PRR16: variants seen among roughly 807,000 people sequenced by gnomAD.
The protein encoded by PRR16 is protein Largen.
Under a neutral mutation model 18.2 loss-of-function variants are expected in PRR16, and 6 were observed. The observed-to-expected ratio is 0.33, with a 90% CI of 0.18 to 0.65. The LOEUF is 0.65. Ranked by LOEUF, PRR16 falls within the 30% of genes least tolerant of loss-of-function variation. The pLI is 0.74. For missense variants in PRR16, 412 were observed against 376.6 expected, an observed-to-expected ratio of 1.09 and a Z score of -0.78; for synonymous variants, 151 against 147.8, an observed-to-expected ratio of 1.02 and a Z score of -0.16.
chr5:120,737,514 T>A, the PRR16 span, among the ~76,000 whole-genome samples: 7 of 151,998 alleles, frequency 4.6e-5, 1 homozygote, highest in South Asian at 1.5e-3. Flanking sequence ...CCTTTTAATG[T>A]GTTGTTGAAT....
chr5:120,503,885 CAGT>C (rs1750553036), intron 1 of PRR16, among the ~76,000 whole-genome samples: 1 of 151,366 alleles, frequency 6.6e-6, no homozygotes, highest in Non-Finnish European at 1.5e-5. Context: ...TGAGAACATG[CAGT>C]GTTTGGTTTT....
chr5:120,730,250 G>A, the PRR16 span, among the ~76,000 whole-genome samples: 8 of 152,106 alleles, frequency 5.3e-5, no homozygotes, highest in Admixed American at 5.2e-4. Context: ...TCTACAGGAT[G>A]AATTCTCAGG....
chr5:120,477,779 G>A (rs971246772), intron 1 of PRR16, among the ~76,000 whole-genome samples: 3 of 151,996 alleles, frequency 2.0e-5, no homozygotes, highest in Non-Finnish European at 4.4e-5. Flanking sequence ...CTTTCTCTGT[G>A]GCTCTCCTTA....
intron 1 of PRR16, among the ~76,000 whole-genome samples, chr5:120,663,840 C>T (rs7702736): frequency 6.6e-6 from 1 of 152,102 alleles, no homozygotes; most frequent in Non-Finnish European, 1.5e-5. Context: ...TAGAAAGTTC[C>T]TCAGTGACAT....
chr5:120,580,070 G>A (rs1753216379), intron 1 of PRR16, among the ~76,000 whole-genome samples: 2 of 152,094 alleles, frequency 1.3e-5, no homozygotes, highest in Non-Finnish European at 2.9e-5. Context: ...TGTGATTTTT[G>A]CACATTGATT....
At chr5:120,501,954 T>TC (rs1443042387) in intron 1 of PRR16, among the ~76,000 whole-genome samples, 516 of 45,266 alleles carry the variant, frequency 0.011, 8 homozygotes, top group African/African-American at 0.048. Flanking sequence ...ATACTCCGTC[T>TC]CAAAAAAAAA....
At position 120,604,079 on chromosome 5, in the gene PRR16, A is replaced by T. The variant is rs114000156; in HGVS notation, c.160-81875A>T. Reference sequence around the variant, plus strand: ...GATGTCTGTTAGGTCCATTTGTTCAAATGCTGAGTTTAGGTCCCAAATTTT... The same window carrying T: ...GATGTCTGTTAGGTCCATTTGTTCATATGCTGAGTTTAGGTCCCAAATTTT... On this transcript the variant is annotated intron_variant, in intron 1 of 1. Transcript: ENST00000407149. Among the ~76,000 whole-genome samples the T allele has an allele frequency of 4.6e-3, 691 of 151,252 alleles. 5 individuals are homozygous for T. Among genetic ancestry groups the T allele is most frequent in the African/African-American group, 0.016 (666 of 40,912 alleles).
At chr5:120,782,854 A>G in the PRR16 span, among the ~76,000 whole-genome samples, 1 of 152,176 alleles carries the variant, frequency 6.6e-6, no homozygotes, top group Non-Finnish European at 1.5e-5. Flanking sequence ...GAGAAGGGCA[A>G]TTCTGAAGTG....
chr5:120,575,088 G>C (rs907140685), intron 1 of PRR16, among the ~76,000 whole-genome samples: 2 of 136,460 alleles, frequency 1.5e-5, no homozygotes, highest in Middle Eastern at 3.4e-3. Context: ...GTTAATCTCA[G>C]AATATACCTT....
chr5:120,672,514 T>C (rs918751584), intron 1 of PRR16, among the ~76,000 whole-genome samples: 2 of 140,948 alleles, frequency 1.4e-5, no homozygotes, highest in African/African-American at 2.6e-5. Context: ...ATTAAAGGCT[T>C]TTAATAATTT....
At chr5:120,507,088 T>C (rs1489615728) in intron 1 of PRR16, among the ~76,000 whole-genome samples, 2 of 152,128 alleles carry the variant, frequency 1.3e-5, no homozygotes, top group East Asian at 3.9e-4. Context: ...ATCCTTTCTG[T>C]GATGATTTGT....
chr5:120,759,760 G>A, the PRR16 span, among the ~76,000 whole-genome samples: 8 of 152,140 alleles, frequency 5.3e-5, no homozygotes, highest in African/African-American at 1.9e-4. Flanking sequence ...CAATCTCTTT[G>A]AAGTGGGTGT....
At chr5:120,717,932 C>T in the PRR16 span, among the ~76,000 whole-genome samples, 1 of 152,108 alleles carries the variant, frequency 6.6e-6, no homozygotes, top group Non-Finnish European at 1.5e-5. Context: ...GCATTCAGTA[C>T]TAAATATGTA....
At chr5:120,786,323 A>G in the PRR16 span, among the ~76,000 whole-genome samples, 22 of 151,812 alleles carry the variant, frequency 1.4e-4, no homozygotes, top group Non-Finnish European at 2.4e-4. Flanking sequence ...ATTGTCAGCC[A>G]TATTACTAGA....
At chr5:120,555,596 A>T (rs1752382944) in intron 1 of PRR16, among the ~76,000 whole-genome samples, 1 of 151,718 alleles carries the variant, frequency 6.6e-6, no homozygotes, top group Non-Finnish European at 1.5e-5. Context: ...TCATGGAAGG[A>T]GGGGGCCGTA....
At chr5:120,790,047 A>T in the PRR16 span, 8 of 152,142 alleles carry the variant, frequency 5.3e-5, no homozygotes, top group Non-Finnish European at 1.0e-4. Context: ...GGACAGATCT[A>T]ATTCTAAAGT....
chr5:120,627,678 C>A (rs1448517076), intron 1 of PRR16, among the ~76,000 whole-genome samples: 1 of 152,060 alleles, frequency 6.6e-6, no homozygotes, highest in Non-Finnish European at 1.5e-5. Context: ...GCTGGCCATA[C>A]ATCACAGCAA....
chr5:120,540,108 A>G (rs1398840594), intron 1 of PRR16, among the ~76,000 whole-genome samples: 1 of 152,208 alleles, frequency 6.6e-6, no homozygotes, highest in African/African-American at 2.4e-5. Context: ...ATGGTTCATT[A>G]GAAGAAAAGA....
intron 1 of PRR16, among the ~76,000 whole-genome samples, chr5:120,636,322 C>G (rs549983307): frequency 1.3e-5 from 2 of 151,970 alleles, no homozygotes; most frequent in Admixed American, 1.3e-4. Flanking sequence ...ATAGCCAAAG[C>G]AAGACTAAGA....
Sources: allele counts gnomAD v4.1 joint callset (sites outside exome capture counted in the v4.1 genomes callset), GRCh38; gene constraint gnomAD v4.1.1; transcripts MANE v1.5; gene names NCBI Gene and HGNC (gene_info 2026-07-23, HGNC 2026-07-21).